The following COL24A1 variants were observed in gnomAD, a reference collection of about 807,000 sequenced individuals.
The protein encoded by COL24A1 is collagen type XXIV alpha 1 chain, also known as collagen alpha-1(XXIV) chain.
In COL24A1, 224 loss-of-function variants were observed where a neutral mutation model predicts 253.9. The observed-to-expected ratio is 0.88, with a 90% CI of 0.79 to 0.99. COL24A1 has a LOEUF of 0.99. Among genes scored for constraint, COL24A1 ranks in the 50% least tolerant of loss-of-function variants. The probability of loss-of-function intolerance (pLI) is 0.00; values close to 1 mark genes in which losing one functional copy is unlikely to be tolerated. For missense variants in COL24A1, 2,131 were observed against 2,068.5 expected, an observed-to-expected ratio of 1.03 and a Z score of -0.59; for synonymous variants, 685 against 673.7, an observed-to-expected ratio of 1.02 and a Z score of -0.26.
chr1:86,062,691 C>T (rs1701180165), intron 8 of COL24A1, among the ~76,000 whole-genome samples: 1 of 152,124 alleles, frequency 6.6e-6, no homozygotes, highest in Admixed American at 6.5e-5. Context: ...TCACCCTTCT[C>T]ATCTTTTTCT....
rs561136149 is a variant in COL24A1, at chr1:85,860,165, T to C, written c.3300+8354A>G. On this transcript the variant is annotated intron_variant, in intron 37 of 59. Transcript: ENST00000370571. ...TTGAGGAATAATTAACATTTACATATGTGATAGTTACATGATACTATATAC... is the reference window on the plus strand; with the variant it reads ...TTGAGGAATAATTAACATTTACATACGTGATAGTTACATGATACTATATAC... Among the ~76,000 whole-genome samples, 397 of 152,278 alleles carry C rather than the reference T, an allele frequency of 2.6e-3. 2 individuals are homozygous for C. The highest frequency in any genetic ancestry group is 2.2e-3 in the Non-Finnish European group (153 of 68,020).
At chr1:85,914,199 T>C (rs187490495) in intron 24 of COL24A1, among the ~76,000 whole-genome samples, 63 of 152,104 alleles carry the variant, frequency 4.1e-4, no homozygotes, top group Middle Eastern at 3.4e-3. Context: ...GAATAAAGAA[T>C]GGGTAGCGGA....
intron 7 of COL24A1, among the ~76,000 whole-genome samples, chr1:86,067,589 A>G (rs532742333): frequency 6.6e-6 from 1 of 152,334 alleles, no homozygotes; most frequent in South Asian, 2.1e-4. Context: ...TGGTAACTCT[A>G]TTATCCGAAT....
chr1:86,019,975 A>G (rs1697345941), intron 18 of COL24A1, among the ~76,000 whole-genome samples: 1 of 151,836 alleles, frequency 6.6e-6, no homozygotes, highest in Non-Finnish European at 1.5e-5. Flanking sequence ...AGTAAGTACT[A>G]TGTCTAAAAG....
At chr1:86,090,352 T>C (rs1021380239) in intron 6 of COL24A1, among the ~76,000 whole-genome samples, 11 of 152,166 alleles carry the variant, frequency 7.2e-5, no homozygotes, top group Non-Finnish European at 1.3e-4. Context: ...ACCTGTCTTA[T>C]GGGAAAGGAA....
At chr1:85,877,304 C>G in intron 32 of COL24A1, 129 bp from the exon 33 acceptor site, 1 of 592,432 alleles carries the variant, frequency 1.7e-6, no homozygotes, top group Non-Finnish European at 2.8e-6. Context: ...ATACATTTAT[C>G]AGCATATTAC....
Position 85,762,689 on chromosome 1 carries a change from G to A in COL24A1, c.4375-1123C>T, listed in dbSNP as rs548438609. ...TTTTAAATATACAGAAGCTCAAAGTGAAATTGGTTATGTCCGCTTCTCCAT... is the reference window on the plus strand; with the variant it reads ...TTTTAAATATACAGAAGCTCAAAGTAAAATTGGTTATGTCCGCTTCTCCAT... On this transcript the variant is annotated intron_variant, in intron 53 of 59. Transcript: ENST00000370571. 2.6e-5 allele frequency among the ~76,000 whole-genome samples: 4 copies of A among 152,216 alleles called. No individual in the cohort carries two copies. The South Asian group carries it at 6.2e-4, about 24-fold the overall frequency.
chr1:86,069,816 C>T (rs1055116858), intron 7 of COL24A1, among the ~76,000 whole-genome samples: 1 of 152,178 alleles, frequency 6.6e-6, no homozygotes, highest in African/African-American at 2.4e-5. Flanking sequence ...GCTTGGGGCC[C>T]AAGTCCCTTC....
rs555467513 is a variant in COL24A1 at position 85,896,750 on chromosome 1, G to A, written c.2779-341C>T. Among the ~76,000 whole-genome samples the A allele has an allele frequency of 3.9e-5, 6 of 152,158 alleles. No individual in the cohort carries two copies. In the South Asian group the frequency reaches 1.2e-3, roughly 32 times the overall value. ...CCTGACCTCGTGATCCACCCGCCTC[G>A]GCCTCCCACAGTGCTGGGATTACAG... On this transcript the variant is annotated intron_variant, in intron 28 of 59. Coordinates refer to ENST00000370571, the MANE Select transcript of COL24A1 (RefSeq NM_152890.7).
rs1212886965 is a variant in COL24A1 at position 85,997,041 on chromosome 1, A to ATGTGTGTGTGTGTGTGTGTG, written c.2311-9388_2311-9387insCACACACACACACACACACA. ...TATGTGTGTGTGTATATATATATAT[A>ATGTGTGTGTGTGTGTGTGTG]TGTGTGTGTGTGTGTATATATATAT... On this transcript the variant is annotated intron_variant, in intron 19 of 59. Coordinates refer to ENST00000370571, the MANE Select transcript of COL24A1 (RefSeq NM_152890.7). Among the ~76,000 whole-genome samples the ATGTGTGTGTGTGTGTGTGTG allele has an allele frequency of 5.2e-4, 42 of 81,150 alleles. 5 individuals carry two copies. Among genetic ancestry groups the ATGTGTGTGTGTGTGTGTGTG allele is most frequent in the South Asian group, 1.1e-3 (3 of 2,738 alleles). 53.2% of individuals were successfully genotyped at this position (81,150 alleles called of 152,430 possible). A position where few individuals can be genotyped will look rare whatever the true frequency, so the allele number is the denominator to read the frequency against.
chr1:86,125,874 G>C lies in COL24A1; in HGVS notation c.462C>G (p.Phe154Leu), dbSNP rs755202107. ...ATTGCTCATCATGAACACTGTAGTT[G>C]AAAACTGCAGGCTGCTTTCCTCTAA... Reference protein sequence around the residue: ...VHIRGKQPAVFNYSVHDEQWH... With the variant: ...VHIRGKQPAVLNYSVHDEQWH... Residue 154 changes from phenylalanine (F) to leucine (L), a missense_variant, in exon 3 of 60, where the codon TTC becomes TTG. By Grantham distance (22) the Phe-to-Leu change is conservative (BLOSUM62 0). Coordinates refer to ENST00000370571, the MANE Select transcript of COL24A1 (RefSeq NM_152890.7). 1 of 1,613,200 alleles carries C rather than the reference G, an allele frequency of 6.2e-7. No homozygotes were observed. Among genetic ancestry groups the C allele is most frequent in the South Asian group, 1.1e-5 (1 of 91,038 alleles).
rs1685279220 is a variant in COL24A1 at position 85,910,660 on chromosome 1, G to A, written c.2617-657C>T. On this transcript the variant is annotated intron_variant, in intron 25 of 59. Transcript: ENST00000370571. ...TACATTGTTAGTAAAAAATCAATAA[G>A]TATATATTAAGTATGTAGTATTTAA... 1.3e-5 allele frequency among the ~76,000 whole-genome samples: 2 copies of A among 151,872 alleles called. 1 individual carries two copies. Among genetic ancestry groups the A allele is most frequent in the Non-Finnish European group, 2.9e-5 (2 of 67,882 alleles).
In COL24A1 at chr1:85,729,939, T is replaced by C. The variant is rs1395518628; in HGVS notation, c.*607A>G. The C allele has an allele frequency of 1.3e-5, 2 of 152,598 alleles. No individual in the cohort carries two copies. The highest frequency in any genetic ancestry group is 2.9e-5 in the Non-Finnish European group (2 of 68,036). 9.5% of individuals were successfully genotyped at this position (152,598 alleles called of 1,614,324 possible). ...CTAACAACCAAAACATATCTTGATG[T>C]AACCAGTACATACACTTTTAAAGAA... On this transcript the variant is annotated 3_prime_UTR_variant, in exon 60 of 60. Transcript: ENST00000370571.
At position 85,808,068 on chromosome 1, in the gene COL24A1, A is replaced by G. The variant is rs1002247028; in HGVS notation, c.3951+8720T>C. On this transcript the variant is annotated intron_variant, in intron 47 of 59. Transcript: ENST00000370571. ...CTTCCTAACTATAAAGGCTACTACT[A>G]TGGTAAGATGGGAAGACACAAATGA... 2.6e-5 allele frequency among the ~76,000 whole-genome samples: 4 copies of G among 152,170 alleles called. 1 individual carries two copies. Among genetic ancestry groups the G allele is most frequent in the Middle Eastern group, 6.3e-3 (2 of 316 alleles).
intron 12 of COL24A1, among the ~76,000 whole-genome samples, chr1:86,043,945 A>G (rs566189255): frequency 3.9e-5 from 6 of 152,288 alleles, no homozygotes; most frequent in Admixed American, 3.3e-4. Context: ...TTTCTATCAC[A>G]TTCAAATGTA....
At chr1:85,934,977 C>G (rs917004482) in intron 24 of COL24A1, among the ~76,000 whole-genome samples, 1 of 151,788 alleles carries the variant, frequency 6.6e-6, no homozygotes, top group Non-Finnish European at 1.5e-5. Context: ...AAGCATTTAG[C>G]TAGAATATGC....
intron 19 of COL24A1, among the ~76,000 whole-genome samples, chr1:86,013,194 T>C (rs2101171827): frequency 6.6e-6 from 1 of 152,288 alleles, no homozygotes; most frequent in South Asian, 2.1e-4. Context: ...AATTTTCAGA[T>C]ATTAACTTAA....
chr1:85,997,423 G>A (rs938907079), intron 19 of COL24A1, among the ~76,000 whole-genome samples: 2 of 151,988 alleles, frequency 1.3e-5, no homozygotes, highest in African/African-American at 4.8e-5. Flanking sequence ...GTTTCCAGGG[G>A]TGGGAAAATG....
At chr1:85,987,300 T>C (rs1037295092) in intron 20 of COL24A1, among the ~76,000 whole-genome samples, 3 of 151,804 alleles carry the variant, frequency 2.0e-5, no homozygotes, top group African/African-American at 7.2e-5. Flanking sequence ...GGAATTCTCA[T>C]CCATTTACTT....
Sources: gnomAD v4.1 joint callset for allele counts (sites outside exome capture counted in the v4.1 genomes callset) on GRCh38, gnomAD v4.1.1 for gene constraint, MANE v1.5 for transcripts, NCBI Gene and HGNC (gene_info 2026-07-23, HGNC 2026-07-21) for gene names.